MELTF: variants seen among roughly 807,000 people sequenced by gnomAD.
MELTF encodes the protein melanotransferrin.
In MELTF, 67 loss-of-function variants were observed where a neutral mutation model predicts 83.7. That is an observed-to-expected ratio of 0.80 (90% CI 0.66 to 0.98). The LOEUF is 0.98. Among genes scored for constraint, MELTF ranks in the 50% least tolerant of loss-of-function variants. MELTF has a pLI of 0.00. For missense variants in MELTF, 1,002 were observed against 1,035.6 expected (o/e 0.97, Z 0.44); for synonymous variants, 462 against 447.6 (o/e 1.03, Z -0.41).
chr3:197,026,497 C>T, intron 3 of MELTF, 163 bp downstream of exon 3: 1 of 628,392 alleles, frequency 1.6e-6, no homozygotes, highest in Middle Eastern at 2.6e-4. Context: ...AGCTCCTGTC[C>T]CTGGGGAATT....
At position 197,024,350 on chromosome 3, in the gene MELTF, A is replaced by G. The variant is rs750807070; in HGVS notation, c.440T>C (p.Leu147Pro). Reference sequence around the variant, plus strand: ...CACCGAGAGGCGGCCGCTCTCCACCAGGTAGCCCACGGGCACGTTCCAGCC... The same window carrying G: ...CACCGAGAGGCGGCCGCTCTCCACCGGGTAGCCCACGGGCACGTTCCAGCC... The part of the protein sequence containing the change: ...TVGWNVPVGY[L>P]VESGRLSVMG... The change falls in exon 4 of 16, where the codon CTG (leucine) becomes CCG (proline). Residue 147 changes from leucine (L) to proline (P), a missense_variant. Coordinates refer to ENST00000296350, the MANE Select transcript of MELTF (RefSeq NM_005929.6). This position sits in a 1 kb window ranked among gnomAD's most constrained non-coding sequence, Gnocchi z 5.3. 1 of 1,598,990 alleles carries G rather than the reference A, an allele frequency of 6.3e-7. No homozygotes were observed. Among genetic ancestry groups the G allele is most frequent in the Non-Finnish European group, 8.5e-7 (1 of 1,170,168 alleles).
Position 197,027,871 on chromosome 3 carries a change from T to G in MELTF, c.89A>C (p.Asp30Ala). The change falls in exon 2 of 16, where the codon GAC becomes GCC. Residue 30 changes from aspartate to alanine, a missense_variant. Coordinates refer to ENST00000296350, the MANE Select transcript of MELTF (RefSeq NM_005929.6). ...GTTGCCGCACTTGTGCTGCTCTGGG[T>G]CCGAGGTGGCGCACCACCGCACCTC... ...GMEVRWCATS[D>A]PEQHKCGNMS... 2 of 1,607,666 alleles carry G rather than the reference T, an allele frequency of 1.2e-6. No homozygotes were observed. Among genetic ancestry groups the G allele is most frequent in the Non-Finnish European group, 1.7e-6 (2 of 1,177,966 alleles).
In MELTF at chr3:197,006,558, G is replaced by A; in HGVS notation, c.1929C>T (p.Asp643=). 6.2e-7 allele frequency: 1 copy of A among 1,612,976 alleles called. No individual in the cohort carries two copies. The part of the protein sequence containing the change: ...TNIFTVYGLL[D]KAQDLFGDDH... ...CCCCACCCTGGCTCACCTGGGCCTT[G>A]TCCAGCAGTCCATACACGGTGAAGA... Residue 643 remains aspartate (D), a synonymous_variant, in exon 14 of 16, where the codon GAC becomes GAT. Coordinates refer to ENST00000296350, the MANE Select transcript of MELTF (RefSeq NM_005929.6). This position sits in a 1 kb window ranked among gnomAD's most constrained non-coding sequence, Gnocchi z 5.4.
rs1405683979 is a variant in MELTF at position 197,006,221 on chromosome 3, C to CA, written c.1938+327dup. Among the ~76,000 whole-genome samples, 266 of 136,360 alleles carry CA rather than the reference C, an allele frequency of 2.0e-3. 1 individual carries two copies. The Middle Eastern group carries it at 0.02, about 10-fold the overall frequency. 89.5% of individuals were successfully genotyped at this position (136,360 alleles called of 152,430 possible). ...GGGGCGACAGAGTAAGACTCCGTCT[C>CA]AAAAAAAAAAGAAAAAAAGGGAGCA... On this transcript the variant is annotated intron_variant, in intron 14 of 15. Coordinates refer to ENST00000296350, the MANE Select transcript of MELTF (RefSeq NM_005929.6). This position sits in a 1 kb window ranked among gnomAD's most constrained non-coding sequence, Gnocchi z 5.4.
At chr3:197,019,467 C>T (rs1719530235) in intron 6 of MELTF, 1 of 1,449,596 alleles carries the variant, frequency 6.9e-7, no homozygotes, top group Non-Finnish European at 9.1e-7. Context: ...AAAAAGCTGC[C>T]AGGTGCACGC....
At chr3:197,026,818 C>T (rs2148594338) in intron 2 of MELTF, 59 bp from the exon 3 acceptor site, 13 of 1,506,464 alleles carry the variant, frequency 8.6e-6, no homozygotes, top group South Asian at 6.8e-5. Flanking sequence ...GCAAAGAACT[C>T]GGGACACCTA....
intron 5 of MELTF, among the ~76,000 whole-genome samples, chr3:197,021,856 C>T (rs927767882): frequency 2.0e-5 from 3 of 152,022 alleles, no homozygotes; most frequent in East Asian, 1.9e-4. Flanking sequence ...TGTTTGTTTT[C>T]GTTGTTTTGT....
chr3:197,013,429 T>C (rs138159279), intron 9 of MELTF, among the ~76,000 whole-genome samples: 124 of 152,272 alleles, frequency 8.1e-4, no homozygotes, highest in Admixed American at 1.4e-3. Flanking sequence ...CTGAAGAGAA[T>C]ATAGGCAAAA....
In MELTF at chr3:197,024,403, G is replaced by A. The variant is rs1164004003; in HGVS notation, c.387C>T (p.Ser129=). ...VTIDTLKGVK[S]CHTGINRTVG... ...CTGTGCGATTGATGCCCGTGTGGCA[G>A]GACTTCACGCCTTTCAGGGTGTCAA... Residue 129 remains serine (S), a synonymous_variant, in exon 4 of 16, where the codon TCC becomes TCT. Coordinates refer to ENST00000296350, the MANE Select transcript of MELTF (RefSeq NM_005929.6). The surrounding 1 kb of genome is among the most constrained non-coding windows in gnomAD (Gnocchi z 5.3). The A allele has an allele frequency of 1.2e-6, 2 of 1,610,958 alleles. No individual in the cohort carries two copies. The highest frequency in any genetic ancestry group is 1.7e-6 in the Non-Finnish European group (2 of 1,178,438).
chr3:197,010,546 T>C, intron 10 of MELTF, 152 bp downstream of exon 10: 1 of 646,198 alleles, frequency 1.5e-6, no homozygotes, highest in Non-Finnish European at 2.7e-6. Flanking sequence ...AACTGAGGCC[T>C]GGGGCAGGAG....
chr3:197,018,902 C>G (rs1230745015), intron 6 of MELTF: 1 of 980,178 alleles, frequency 1.0e-6, no homozygotes, highest in African/African-American at 1.8e-5. Context: ...TAACACCAAA[C>G]AGGGATATTG....
In MELTF at chr3:197,007,025, AG is replaced by A. The variant is rs996006533; in HGVS notation, c.1751-290del. On this transcript the variant is annotated intron_variant, in intron 13 of 15. Coordinates refer to ENST00000296350, the MANE Select transcript of MELTF (RefSeq NM_005929.6). The surrounding 1 kb of genome is among the most constrained non-coding windows in gnomAD (Gnocchi z 4.3). ...TGCTTGATCCCCACAACAGTAACGC[AG>A]GGTAGGTGTTTTTGTCCCCATTTTA... Among the ~76,000 whole-genome samples, 2 of 152,170 alleles carry A rather than the reference AG, an allele frequency of 1.3e-5. No homozygotes were observed. The highest frequency in any genetic ancestry group is 2.9e-5 in the Non-Finnish European group (2 of 68,026).
chr3:197,014,166 T>C lies in MELTF; in HGVS notation c.1233+1199A>G, dbSNP rs56367544. Among the ~76,000 whole-genome samples, 1,410 of 152,248 alleles carry C rather than the reference T, an allele frequency of 9.3e-3. 10 individuals carry two copies. Among genetic ancestry groups the C allele is most frequent in the Non-Finnish European group, 0.017 (1,165 of 68,000 alleles). Reference sequence around the variant, plus strand: ...GTCATTGGCATGCACCGTGGAATACTATTTAGCCATAAAAAAGAATGAAAT... The same window carrying C: ...GTCATTGGCATGCACCGTGGAATACCATTTAGCCATAAAAAAGAATGAAAT... On this transcript the variant is annotated intron_variant, in intron 9 of 15. Transcript: ENST00000296350.
intron 3 of MELTF, chr3:197,026,351 T>C: frequency 3.0e-6 from 1 of 331,064 alleles, no homozygotes; most frequent in South Asian, 4.9e-5. Flanking sequence ...CCAAGGCAGT[T>C]ACGCACACAG....
At chr3:197,026,552 C>A in intron 3 of MELTF, 108 bp downstream of exon 3, 1 of 957,396 alleles carries the variant, frequency 1.0e-6, no homozygotes. Flanking sequence ...TCCAGGACTG[C>A]TCTGTGGACA....
At chr3:197,010,846 G>A (rs774130271) in intron 9 of MELTF, 52 bp from the exon 10 acceptor site, 15 of 1,530,592 alleles carry the variant, frequency 9.8e-6, no homozygotes, top group Middle Eastern at 1.7e-4. Context: ...GGATGGCTCT[G>A]GATGTCGGGG....
At chr3:197,021,314 T>TGATCCCAACTCTGCCATCTA in intron 6 of MELTF, 90 bp downstream of exon 6, 1 of 1,290,056 alleles carries the variant, frequency 7.8e-7, no homozygotes, top group South Asian at 1.2e-5. Flanking sequence ...CTAGGGCGTT[T>TGATCCCAACTCTGCCATCTA]GATCCCAACT....
At chr3:197,028,248 T>G (rs1719945282) in intron 1 of MELTF, 1 of 261,112 alleles carries the variant, frequency 3.8e-6, no homozygotes, top group Non-Finnish European at 7.5e-6. Flanking sequence ...GCCCTGGAAG[T>G]GGAAGCTTCT....
At chr3:197,009,001 C>A in intron 11 of MELTF, 36 bp from the exon 12 acceptor site, 1 of 1,611,144 alleles carries the variant, frequency 6.2e-7, no homozygotes, top group Non-Finnish European at 8.5e-7. Flanking sequence ...GAGGGGCCAG[C>A]AGTGGAAAGT....
Sources: gnomAD v4.1 joint callset for allele counts (sites outside exome capture counted in the v4.1 genomes callset) on GRCh38, gnomAD v4.1.1 for gene constraint, Gnocchi (gnomAD v3.1) non-coding constraint, MANE v1.5 for transcripts, NCBI Gene and HGNC (gene_info 2026-07-23, HGNC 2026-07-21) for gene names.